ATAD5: variants seen among roughly 807,000 people sequenced by gnomAD.
ATAD5 encodes ATPase family AAA domain containing 5, also known as ATPase family AAA domain-containing protein 5.
In ATAD5, 58 loss-of-function variants were observed where a neutral mutation model predicts 176.9. The observed-to-expected ratio is 0.33, with a 90% CI of 0.27 to 0.41. ATAD5 has a LOEUF of 0.41. Ranked by LOEUF, ATAD5 falls within the 10% of genes least tolerant of loss-of-function variation. The pLI, the probability that ATAD5 is intolerant of heterozygous loss-of-function variation, is 1.00. For synonymous variants in ATAD5, 640 were observed against 712.6 expected (o/e 0.90, Z 1.62); for missense variants, 1,789 against 2,094.1 (o/e 0.85, Z 2.84).
chr17:30,833,559 A>G (rs1211000003), intron 1 of ATAD5, among the ~76,000 whole-genome samples: 3 of 152,262 alleles, frequency 2.0e-5, no homozygotes, highest in African/African-American at 7.2e-5. Flanking sequence ...GTTTTACACC[A>G]GTAAATGTCA....
At chr17:30,890,446 G>C (rs917732112) in intron 19 of ATAD5, among the ~76,000 whole-genome samples, 3 of 134,472 alleles carry the variant, frequency 2.2e-5, no homozygotes, top group Non-Finnish European at 4.7e-5. Flanking sequence ...TTTTGAGATG[G>C]AATCTGGCTC....
chr17:30,836,098 G>T, intron 2 of ATAD5, 50 bp downstream of exon 2: 1 of 1,428,968 alleles, frequency 7.0e-7, no homozygotes, highest in South Asian at 1.6e-5. Flanking sequence ...TGTATTATTA[G>T]CTGGGGACAA....
At chr17:30,862,090 T>G (rs1907670527) in intron 10 of ATAD5, among the ~76,000 whole-genome samples, 1 of 150,502 alleles carries the variant, frequency 6.6e-6, no homozygotes, top group Non-Finnish European at 1.5e-5. Context: ...ATCCCAGCAC[T>G]TTGGGAGGCC....
intron 15 of ATAD5, 142 bp from the exon 16 acceptor site, chr17:30,877,274 G>A (rs567313107): frequency 3.4e-6 from 2 of 594,308 alleles, no homozygotes; most frequent in Non-Finnish European, 5.8e-6. Context: ...CTCCCAAAGT[G>A]CTGGGATTAC....
intron 5 of ATAD5, 71 bp from the exon 6 acceptor site, chr17:30,844,764 A>G (rs1312841893): frequency 2.1e-5 from 20 of 966,354 alleles, no homozygotes; most frequent in Non-Finnish European, 2.8e-5. Context: ...AAAAAAAAAA[A>G]AAAAAAAAGA....
chr17:30,842,270 A>AAAAT (rs142388314), intron 4 of ATAD5, among the ~76,000 whole-genome samples: 356 of 150,504 alleles, frequency 2.4e-3, no homozygotes, highest in East Asian at 7.2e-3. Flanking sequence ...CTCCATCTCA[A>AAAAT]AAATAAATAA....
intron 3 of ATAD5, 50 bp from the exon 4 acceptor site, chr17:30,840,567 T>C: frequency 8.1e-7 from 1 of 1,228,040 alleles, no homozygotes; most frequent in Non-Finnish European, 1.1e-6. Context: ...TATTATTAAA[T>C]ATAAAATATT....
chr17:30,868,419 T>G lies in ATAD5; in HGVS notation c.3313+7T>G, dbSNP rs751952959. The G allele has an allele frequency of 6.5e-7, 1 of 1,530,284 alleles. No homozygotes were observed. The highest frequency in any genetic ancestry group is 1.3e-5 in the South Asian group (1 of 76,534). 94.8% of individuals were successfully genotyped at this position (1,530,284 alleles called of 1,614,324 possible). A position where few individuals can be genotyped will look rare whatever the true frequency, so the allele number is the denominator to read the frequency against. On this transcript the variant is annotated splice_region_variant and intron_variant, in intron 12 of 22. Coordinates refer to ENST00000321990, the MANE Select transcript of ATAD5 (RefSeq NM_024857.5). ...AGAGATGAGAAACATGAAGGTATTT[T>G]GTGTGTCTTTTTTTTTTTTTTTACC... is the stretch of plus-strand genomic sequence containing the variant.
At chr17:30,850,586 T>A (rs1221841818) in intron 6 of ATAD5, among the ~76,000 whole-genome samples, 1 of 151,570 alleles carries the variant, frequency 6.6e-6, no homozygotes, top group Non-Finnish European at 1.5e-5. Context: ...TTAACTTTTT[T>A]AGTCTCCACA....
At position 30,835,103 on chromosome 17, in the gene ATAD5, G is replaced by A. The variant is rs373509661; in HGVS notation, c.1022G>A (p.Arg341Gln). The change falls in exon 2 of 23, where the codon CGA becomes CAA. Residue 341 changes from arginine to glutamine, a missense_variant. Around this residue, in one of 6 missense-constraint regions of ATAD5, gnomAD observed 696 missense variants for 712.5 expected, o/e 0.98. Transcript: ENST00000321990. The stretch of plus-strand genomic sequence containing the variant: ...CCCAAAAAGACAGGGAAAATACCCC[G>A]AATTTTCTTGAAACAAAAGCAATTT... ...IPPKKTGKIP[R>Q]IFLKQKQFEM... The A allele has an allele frequency of 3.3e-5, 54 of 1,614,004 alleles. No individual in the cohort carries two copies. The highest frequency in any genetic ancestry group is 1.6e-4 in the Middle Eastern group (1 of 6,062).
chr17:30,860,305 T>G, intron 9 of ATAD5, 128 bp from the exon 10 acceptor site: 1 of 1,069,164 alleles, frequency 9.4e-7, no homozygotes, highest in Non-Finnish European at 1.3e-6. Flanking sequence ...ATTAGAGGCC[T>G]GAGCCACTGC....
rs375111527 is a variant in ATAD5 at position 30,834,560 on chromosome 17, G to A, written c.479G>A (p.Arg160His). 1.6e-5 allele frequency: 26 copies of A among 1,604,066 alleles called. No homozygotes were observed. Among genetic ancestry groups the A allele is most frequent in the Admixed American group, 3.5e-5 (2 of 57,828 alleles). ...GTGGAAAGTAGTACTTCTGTTTTAC[G>A]TTACAAGAAACAAGTAGAGGTACTT... is the stretch of plus-strand genomic sequence containing the variant. ...DFVESSTSVL[R>H]YKKQVEVLAE... The change falls in exon 2 of 23, where the codon CGT (arginine) becomes CAT (histidine). Residue 160 changes from arginine to histidine, a missense_variant. Physicochemically the swap from Arg to His is conservative, Grantham distance 29. Coordinates refer to ENST00000321990, the MANE Select transcript of ATAD5 (RefSeq NM_024857.5).
In ATAD5 at chr17:30,843,366, CAT is replaced by C. The variant is rs570615436; in HGVS notation, c.2242-546_2242-545del. 1.6e-3 allele frequency among the ~76,000 whole-genome samples: 241 copies of C among 151,444 alleles called. No homozygotes were observed. In the Middle Eastern group the frequency reaches 0.017, roughly 11 times the overall value. On this transcript the variant is annotated intron_variant, in intron 4 of 22. Coordinates refer to ENST00000321990, the MANE Select transcript of ATAD5 (RefSeq NM_024857.5). The stretch of plus-strand genomic sequence containing the variant: ...GACCCTGTCACAATTTAAAAAAACA[CAT>C]GAGGCCAGGTGCGGTGGCTCACTCC...
chr17:30,879,060 C>G (rs891636976), intron 17 of ATAD5, among the ~76,000 whole-genome samples: 2 of 151,986 alleles, frequency 1.3e-5, no homozygotes, highest in Non-Finnish European at 2.9e-5. Context: ...TCATAGTTGG[C>G]CAGGTGTGGT....
At chr17:30,844,242 C>T (rs1906325868) in intron 5 of ATAD5, among the ~76,000 whole-genome samples, 1 of 152,134 alleles carries the variant, frequency 6.6e-6, no homozygotes, top group African/African-American at 2.4e-5. Flanking sequence ...AGTGATTCTC[C>T]TGCCTCAGCC....
chr17:30,882,289 G>A (rs1198579749), intron 18 of ATAD5, among the ~76,000 whole-genome samples: 1 of 151,872 alleles, frequency 6.6e-6, no homozygotes, highest in Admixed American at 6.6e-5. Context: ...CAGGCTGGGG[G>A]CTGTGGCTTA....
At position 30,876,402 on chromosome 17, in the gene ATAD5, T is replaced by C. The variant is rs748213206; in HGVS notation, c.3636T>C (p.Val1212=). 1.9e-6 allele frequency: 3 copies of C among 1,597,702 alleles called. No homozygotes were observed. The highest frequency in any genetic ancestry group is 1.7e-4 in the Middle Eastern group (1 of 5,972). The change falls in exon 15 of 23, where the codon GTT becomes GTC. Residue 1212 remains valine, a synonymous_variant. Transcript: ENST00000321990. Reference sequence around the variant, plus strand: ...AAATAAGCTCCCCTAAGAAAGTTGTTACATCACCAAGAAAAGTTCCTCCAC... The same window carrying C: ...AAATAAGCTCCCCTAAGAAAGTTGTCACATCACCAAGAAAAGTTCCTCCAC... The part of the protein sequence containing the change: ...PKKISSPKKV[V]TSPRKVPPPS...
At chr17:30,848,333 C>T (rs777185125) in intron 6 of ATAD5, among the ~76,000 whole-genome samples, 3 of 151,808 alleles carry the variant, frequency 2.0e-5, no homozygotes, top group Non-Finnish European at 4.4e-5. Flanking sequence ...GTAGCCGTGA[C>T]CTCCAAGGGT....
intron 18 of ATAD5, among the ~76,000 whole-genome samples, chr17:30,883,607 G>A (rs1157251837): frequency 1.3e-4 from 20 of 151,346 alleles, no homozygotes; most frequent in Admixed American, 6.6e-5. Context: ...GTGCACTGGC[G>A]CAATCACTGG....
Sources: gnomAD v4.1 joint callset for allele counts (sites outside exome capture counted in the v4.1 genomes callset) on GRCh38, gnomAD v4.1.1 for gene constraint, gnomAD v4.1.1 regional missense constraint, MANE v1.5 for transcripts, NCBI Gene and HGNC (gene_info 2026-07-23, HGNC 2026-07-21) for gene names.